LRP1B: variants seen among roughly 807,000 people sequenced by gnomAD.
LRP1B encodes the protein LDL receptor related protein 1B.
LRP1B carries 217 observed loss-of-function variants against 556.6 expected under a neutral mutation model. The observed-to-expected ratio is 0.39, with a 90% CI of 0.35 to 0.44. The LOEUF (loss-of-function observed/expected upper bound fraction) is 0.44. LRP1B is among the 20% of genes least tolerant of loss of function. LRP1B has a pLI of 1.00. For synonymous variants in LRP1B, 2,047 were observed against 1,865.8 expected (o/e 1.10, Z -2.50); for missense variants, 5,053 against 5,620.8 (o/e 0.90, Z 3.23).
intron 3 of LRP1B, among the ~76,000 whole-genome samples, chr2:141,329,120 GC>G (rs1343422089): frequency 6.6e-6 from 1 of 152,124 alleles, no homozygotes; most frequent in Non-Finnish European, 1.5e-5. Context: ...AGGCACAGTG[GC>G]TTATGCCTGT....
At chr2:140,252,854 A>T (rs1261784983) in intron 86 of LRP1B, among the ~76,000 whole-genome samples, 2 of 152,034 alleles carry the variant, frequency 1.3e-5, no homozygotes, top group African/African-American at 4.8e-5. Context: ...ATCTTTAAAG[A>T]TCTATCATTT....
At chr2:140,736,470 T>C (rs1687949716) in intron 35 of LRP1B, among the ~76,000 whole-genome samples, 1 of 152,124 alleles carries the variant, frequency 6.6e-6, no homozygotes, top group South Asian at 2.1e-4. Flanking sequence ...CTACCTGACT[T>C]CAAACTATAC....
chr2:140,598,312 T>C (rs761692466), intron 43 of LRP1B, among the ~76,000 whole-genome samples: 1 of 152,204 alleles, frequency 6.6e-6, no homozygotes, highest in Non-Finnish European at 1.5e-5. Flanking sequence ...TTAAAAACTA[T>C]ACATAACAAT....
chr2:141,935,064 A>AC (rs936157163), intron 1 of LRP1B, among the ~76,000 whole-genome samples: 8 of 151,714 alleles, frequency 5.3e-5, no homozygotes, highest in African/African-American at 1.7e-4. Flanking sequence ...CTCTATAAAA[A>AC]ATGACAGTAA....
intron 41 of LRP1B, among the ~76,000 whole-genome samples, chr2:140,650,253 A>T (rs971867123): frequency 6.6e-6 from 1 of 151,644 alleles, no homozygotes; most frequent in Non-Finnish European, 1.5e-5. Context: ...TTTAAAAGAG[A>T]GGAAGGCAAT....
chr2:140,327,046 T>G (rs1680526178), intron 79 of LRP1B, among the ~76,000 whole-genome samples: 1 of 152,110 alleles, frequency 6.6e-6, no homozygotes, highest in Non-Finnish European at 1.5e-5. Context: ...GATTAACTTT[T>G]GTGACATAGC....
At chr2:141,480,617 G>T in intron 2 of LRP1B, 84 bp from the exon 3 acceptor site, 1 of 1,375,358 alleles carries the variant, frequency 7.3e-7, no homozygotes, top group Non-Finnish European at 1.0e-6. Context: ...TACTAGCATT[G>T]TTTTACAAAA....
chr2:141,096,629 G>GGAGAGAGAGAGAGA (rs756327718), intron 7 of LRP1B, among the ~76,000 whole-genome samples: 17 of 59,728 alleles, frequency 2.8e-4, no homozygotes, highest in African/African-American at 8.0e-4. Context: ...GGGGAGAGGG[G>GGAGAGAGAGAGAGA]GAGAGAGAGA....
intron 7 of LRP1B, among the ~76,000 whole-genome samples, chr2:141,131,575 C>T (rs1701357509): frequency 6.6e-6 from 1 of 150,616 alleles, no homozygotes; most frequent in East Asian, 1.9e-4. Context: ...ACATTCTATA[C>T]AAAAAATATT....
At chr2:141,529,800 A>AT (rs1290492619) in intron 2 of LRP1B, among the ~76,000 whole-genome samples, 3 of 152,118 alleles carry the variant, frequency 2.0e-5, no homozygotes, top group Non-Finnish European at 4.4e-5. Flanking sequence ...TACTACTGTC[A>AT]TTTTTTAACA....
chr2:140,411,883 T>C (rs1249851181), intron 66 of LRP1B, among the ~76,000 whole-genome samples: 1 of 152,122 alleles, frequency 6.6e-6, no homozygotes, highest in Non-Finnish European at 1.5e-5. Context: ...ATCCTGATAA[T>C]AGCAAAGAAA....
chr2:142,001,643 T>C (rs763535864), intron 1 of LRP1B, among the ~76,000 whole-genome samples: 2 of 152,224 alleles, frequency 1.3e-5, no homozygotes, highest in Non-Finnish European at 2.9e-5. Context: ...GGAGACATAC[T>C]GCAACCTATT....
intron 66 of LRP1B, among the ~76,000 whole-genome samples, chr2:140,398,667 T>C (rs1010896094): frequency 6.6e-6 from 1 of 152,138 alleles, no homozygotes; most frequent in African/African-American, 2.4e-5. Flanking sequence ...GCAGGGACCA[T>C]TGGCACACAT....
intron 78 of LRP1B, 59 bp from the exon 79 acceptor site, chr2:140,334,618 G>T: frequency 1.1e-6 from 1 of 903,132 alleles, no homozygotes; most frequent in Non-Finnish European, 1.7e-6. Context: ...ACCAGACTCT[G>T]CTCCGCAAAG....
chr2:141,069,026 A>G (rs1699560846), intron 7 of LRP1B, among the ~76,000 whole-genome samples: 7 of 152,062 alleles, frequency 4.6e-5, no homozygotes, highest in Admixed American at 4.6e-4. Flanking sequence ...GAAGAAGAAC[A>G]TTAATAATGA....
chr2:141,931,742 A>G (rs550943778), intron 1 of LRP1B, among the ~76,000 whole-genome samples: 8 of 152,156 alleles, frequency 5.3e-5, no homozygotes, highest in Admixed American at 3.9e-4. Flanking sequence ...AATTAAGATG[A>G]ATAAATACAT....
intron 3 of LRP1B, among the ~76,000 whole-genome samples, chr2:141,346,622 A>G (rs1391682381): frequency 6.6e-6 from 1 of 152,132 alleles, no homozygotes; most frequent in Admixed American, 6.6e-5. Context: ...TTTCCTTGTC[A>G]CAGAATATGA....
chr2:141,159,451 T>C (rs190206155), intron 7 of LRP1B, among the ~76,000 whole-genome samples: 1 of 152,106 alleles, frequency 6.6e-6, no homozygotes, highest in African/African-American at 2.4e-5. Context: ...AGGCTGGACG[T>C]GAAGCCCTGG....
intron 35 of LRP1B, among the ~76,000 whole-genome samples, chr2:140,743,335 A>G (rs1460456362): frequency 1.3e-5 from 2 of 152,176 alleles, no homozygotes; most frequent in African/African-American, 4.8e-5. Context: ...ATGCAGATTC[A>G]TACATTTGAC....
Sources: gnomAD v4.1 joint callset for allele counts (sites outside exome capture counted in the v4.1 genomes callset) on GRCh38, gnomAD v4.1.1 for gene constraint, MANE v1.5 for transcripts, NCBI Gene and HGNC (gene_info 2026-07-23, HGNC 2026-07-21) for gene names.